Variants in TNFRSF13B observed in about 807,000 individuals in gnomAD.
The protein encoded by TNFRSF13B is TNF receptor superfamily member 13B.
TNFRSF13B carries 34 observed loss-of-function variants against 24.0 expected under a neutral mutation model. The observed-to-expected ratio is 1.41, with a 90% CI of 1.08 to 1.88. TNFRSF13B has a LOEUF of 1.88. TNFRSF13B is among the 40% of genes most tolerant of loss of function. TNFRSF13B has a pLI of 0.00. For missense variants in TNFRSF13B, 415 were observed against 380.8 expected, an observed-to-expected ratio of 1.09 and a Z score of -0.75; for synonymous variants, 173 against 150.3, an observed-to-expected ratio of 1.15 and a Z score of -1.10.
chr17:16,964,737 C>A (rs1443581200), intron 1 of TNFRSF13B, among the ~76,000 whole-genome samples: 1 of 152,142 alleles, frequency 6.6e-6, no homozygotes, highest in African/African-American at 2.4e-5. Flanking sequence ...TGGGGACAGC[C>A]ACTTCTACCC....
intron 1 of TNFRSF13B, among the ~76,000 whole-genome samples, chr17:16,958,999 C>T (rs977410495): frequency 3.9e-5 from 6 of 152,092 alleles, no homozygotes; most frequent in Non-Finnish European, 7.4e-5. Context: ...AATGCAACAA[C>T]AGCAGAATAC....
chr17:16,949,118 A>G, intron 2 of TNFRSF13B, 135 bp from the exon 3 acceptor site: 1 of 1,165,720 alleles, frequency 8.6e-7, no homozygotes. Context: ...TAAGCCAAGT[A>G]CTTTTACAAT....
At chr17:16,967,030 G>C (rs1011819382) in intron 1 of TNFRSF13B, among the ~76,000 whole-genome samples, 1 of 151,646 alleles carries the variant, frequency 6.6e-6, no homozygotes. Context: ...GTAGAGATGG[G>C]GTTTCACCAT....
chr17:16,966,187 G>A (rs1213849527), intron 1 of TNFRSF13B, among the ~76,000 whole-genome samples: 1 of 150,566 alleles, frequency 6.6e-6, no homozygotes, highest in Non-Finnish European at 1.5e-5. Flanking sequence ...CCAGTTGGGG[G>A]AAGTTGCAGT....
chr17:16,967,300 G>A (rs2087708461), intron 1 of TNFRSF13B, among the ~76,000 whole-genome samples: 2 of 152,076 alleles, frequency 1.3e-5, no homozygotes, highest in Admixed American at 1.3e-4. Context: ...GGAAAGAACA[G>A]CAAGGCATAT....
intron 1 of TNFRSF13B, among the ~76,000 whole-genome samples, chr17:16,967,412 C>A (rs1229846987): frequency 6.6e-6 from 1 of 151,966 alleles, no homozygotes; most frequent in Admixed American, 6.6e-5. Context: ...GGGGGAAATT[C>A]TAATCATATT....
chr17:16,951,748 T>A (rs2143661215), intron 2 of TNFRSF13B, among the ~76,000 whole-genome samples: 1 of 152,028 alleles, frequency 6.6e-6, no homozygotes, highest in Non-Finnish European at 1.5e-5. Flanking sequence ...ATTAGCCGGG[T>A]GTGGTGGCAC....
chr17:16,939,570 G>A lies in TNFRSF13B; in HGVS notation c.859C>T (p.Gln287Ter), dbSNP rs2087491547. 1 of 1,612,842 alleles carries A rather than the reference G, an allele frequency of 6.2e-7. No homozygotes were observed. ...SGLGIVCVPA[Q>*]EGGPGA ...ATTTATGCACCTGGGCCCCCCTCCT[G>A]GGCAGGCACACACACAATGCCAAGG... The change falls in exon 5 of 5, where the codon CAG (glutamine) becomes TAG (stop). Residue 287 changes from glutamine (Q) to a stop codon, truncating the protein, a stop_gained. Transcript: ENST00000261652. LOFTEE classifies it high-confidence loss of function.
chr17:16,939,365 C>A lies in TNFRSF13B; in HGVS notation c.*182G>T. ...CTTCTCTGCCTCTTTCCCTCTCTGC[C>A]TCTCTTCCCCTCTGTCTCTCTCTCC... On this transcript the variant is annotated 3_prime_UTR_variant, in exon 5 of 5. Transcript: ENST00000261652. 1.5e-6 allele frequency: 1 copy of A among 686,722 alleles called. No homozygotes were observed. Among genetic ancestry groups the A allele is most frequent in the Non-Finnish European group, 2.3e-6 (1 of 442,022 alleles). 42.5% of individuals were successfully genotyped at this position (686,722 alleles called of 1,614,324 possible).
rs1026499187 is a variant in TNFRSF13B, at chr17:16,948,812, C to T, written c.371G>A (p.Gly124Glu). Reference protein sequence around the residue: ...LPPELRRQRSGEVENNSDNSG... With the variant: ...LPPELRRQRSEEVENNSDNSG... The stretch of plus-strand genomic sequence containing the variant: ...GTTGTCTGAATTGTTTTCAACTTCT[C>T]CACTCCGCTGTCTCCTGAGCTCTGG... Residue 124 changes from glycine (G) to glutamate (E), a missense_variant, in exon 3 of 5, where the codon GGA becomes GAA. Gly to Glu is a moderately conservative substitution (Grantham distance 98). Coordinates refer to ENST00000261652, the MANE Select transcript of TNFRSF13B (RefSeq NM_012452.3). 1 of 1,614,232 alleles carries T rather than the reference C, an allele frequency of 6.2e-7. No individual in the cohort carries two copies. The highest frequency in any genetic ancestry group is 8.5e-7 in the Non-Finnish European group (1 of 1,180,042).
At chr17:16,939,925 AGACAGGT>A in intron 4 of TNFRSF13B, 128 bp from the exon 5 acceptor site, 1 of 1,328,436 alleles carries the variant, frequency 7.5e-7, no homozygotes, top group Non-Finnish European at 1.0e-6. Context: ...GAACGCCCCC[AGACAGGT>A]GTCAGTGTCC....
chr17:16,942,589 C>T (rs2087519136), intron 3 of TNFRSF13B, among the ~76,000 whole-genome samples: 1 of 152,168 alleles, frequency 6.6e-6, no homozygotes, highest in South Asian at 2.1e-4. Context: ...CAAGGCTTAC[C>T]TGCTCCTATT....
chr17:16,953,967 A>G (rs1433219583), intron 1 of TNFRSF13B, among the ~76,000 whole-genome samples: 1 of 152,154 alleles, frequency 6.6e-6, no homozygotes, highest in Non-Finnish European at 1.5e-5. Flanking sequence ...GGGTTTCACT[A>G]TGTTGGCCAG....
At chr17:16,951,236 T>C (rs2087586485) in intron 2 of TNFRSF13B, among the ~76,000 whole-genome samples, 1 of 152,308 alleles carries the variant, frequency 6.6e-6, no homozygotes, top group Admixed American at 6.5e-5. Flanking sequence ...TTCCCCGCAA[T>C]AAGTATTCAT....
intron 1 of TNFRSF13B, among the ~76,000 whole-genome samples, chr17:16,953,019 C>G (rs1008734687): frequency 2.6e-5 from 4 of 152,220 alleles, no homozygotes; most frequent in East Asian, 1.9e-4. Context: ...CCAAGGGAAG[C>G]CTTTCTGACT....
At chr17:16,965,653 GGA>G (rs1468504923) in intron 1 of TNFRSF13B, among the ~76,000 whole-genome samples, 1 of 152,168 alleles carries the variant, frequency 6.6e-6, no homozygotes, top group African/African-American at 2.4e-5. Context: ...GAGGATGCAG[GGA>G]GAGGTGGCCT....
chr17:16,950,171 C>T (rs1478432831), intron 2 of TNFRSF13B, among the ~76,000 whole-genome samples: 2 of 152,142 alleles, frequency 1.3e-5, no homozygotes, highest in African/African-American at 2.4e-5. Context: ...ATTTTGGAGA[C>T]AGTGCAGGAT....
intron 4 of TNFRSF13B, 198 bp downstream of exon 4, chr17:16,940,128 A>G: frequency 7.2e-7 from 1 of 1,391,410 alleles, no homozygotes; most frequent in Non-Finnish European, 9.5e-7. Context: ...CCCCACACCC[A>G]CCCTTCCCGG....
intron 1 of TNFRSF13B, among the ~76,000 whole-genome samples, chr17:16,960,637 T>C (rs1170537111): frequency 6.6e-6 from 1 of 152,148 alleles, no homozygotes; most frequent in Non-Finnish European, 1.5e-5. Flanking sequence ...GTGCTAAAAC[T>C]ATAAAACTTT....
Sources: gnomAD v4.1 joint callset for allele counts (sites outside exome capture counted in the v4.1 genomes callset) on GRCh38, gnomAD v4.1.1 for gene constraint, MANE v1.5 for transcripts, NCBI Gene and HGNC (gene_info 2026-07-23, HGNC 2026-07-21) for gene names.